The following CRCP variants were observed in gnomAD, a reference collection of about 807,000 sequenced individuals.
The protein encoded by CRCP is CGRP receptor component.
CRCP carries 18 observed loss-of-function variants against 18.5 expected under a neutral mutation model. The observed-to-expected ratio is 0.97, with a 90% confidence interval of 0.67 to 1.44. CRCP has a LOEUF of 1.44. CRCP is among the 40% of genes most tolerant of loss of function. The pLI is 0.00. For synonymous variants in CRCP, 53 were observed against 62.9 expected (o/e 0.84, Z 0.75); for missense variants, 130 against 176.4 (o/e 0.74, Z 1.49).
intron 2 of CRCP, among the ~76,000 whole-genome samples, chr7:66,129,814 C>T (rs192837591): frequency 2.0e-5 from 3 of 152,058 alleles, no homozygotes; most frequent in Non-Finnish European, 4.4e-5. Flanking sequence ...AAAGGACCAG[C>T]AGATGAGAGG....
At chr7:66,141,840 A>G (rs568935627) in intron 4 of CRCP, among the ~76,000 whole-genome samples, 185 of 152,224 alleles carry the variant, frequency 1.2e-3, no homozygotes, top group Non-Finnish European at 2.0e-3. Context: ...TTGGTTCTGA[A>G]GCCAGCAGGG....
chr7:66,133,524 A>AC (rs1787874145), intron 3 of CRCP, among the ~76,000 whole-genome samples: 5 of 149,354 alleles, frequency 3.3e-5, no homozygotes, highest in Middle Eastern at 3.4e-3. Flanking sequence ...AGCCTGGGTG[A>AC]CAGTGAGACT....
chr7:66,152,361 A>AGC lies in CRCP; in HGVS notation c.*5_*6dup. The AGC allele has an allele frequency of 6.2e-7, 1 of 1,613,866 alleles. No homozygotes were observed. Among genetic ancestry groups the AGC allele is most frequent in the East Asian group, 2.2e-5 (1 of 44,878 alleles). On this transcript the variant is annotated 3_prime_UTR_variant, in exon 6 of 6. Transcript: ENST00000395326. ...GGACGAAGAGGACCCAGCATAGAAG[A>AGC]GCACAGCTGGCCCCGGCGTTTCATG...
At chr7:66,151,689 G>C (rs1362329460) in intron 5 of CRCP, among the ~76,000 whole-genome samples, 2,200 of 149,720 alleles carry the variant, frequency 0.015, 67 homozygotes, top group African/African-American at 0.048. Context: ...GTGTGTGTGT[G>C]TGTGTGTGTG....
chr7:66,150,356 A>AACTCTGTCTCAAAAAAAAAAAAC (rs1554334963), intron 5 of CRCP, among the ~76,000 whole-genome samples: 1 of 151,400 alleles, frequency 6.6e-6, no homozygotes, highest in African/African-American at 2.4e-5. Flanking sequence ...ACAAGAGTGA[A>AACTCTGTCTCAAAAAAAAAAAAC]GGGGGGGAGT....
intron 1 of CRCP, among the ~76,000 whole-genome samples, chr7:66,122,251 C>T (rs200899159): frequency 1.3e-5 from 2 of 151,586 alleles, no homozygotes; most frequent in Non-Finnish European, 2.9e-5. Flanking sequence ...GGTGGGTGCC[C>T]GTAGTCCCAG....
Position 66,114,850 on chromosome 7 carries a change from G to GAGCACCTTGGCGCGCGGAGCT in CRCP, c.-112_-92dup, listed in dbSNP as rs775216948. 4.1e-5 allele frequency: 66 copies of GAGCACCTTGGCGCGCGGAGCT among 1,599,058 alleles called. No homozygotes were observed. The highest frequency in any genetic ancestry group is 5.0e-5 in the Non-Finnish European group (58 of 1,168,666). ...CGGCATGCAGCGCGGCGATCCCGGC[G>GAGCACCTTGGCGCGCGGAGCT]AGCACCTTGGCGCGCGGAGCTGGCA... On this transcript the variant is annotated 5_prime_UTR_variant, in exon 1 of 6. Transcript: ENST00000395326.
chr7:66,131,802 C>T (rs1241721901), intron 3 of CRCP, among the ~76,000 whole-genome samples: 1 of 151,458 alleles, frequency 6.6e-6, no homozygotes, highest in African/African-American at 2.4e-5. Context: ...ATTCTCGCTC[C>T]TGTTGCCTAG....
chr7:66,121,161 G>A (rs1229376742), intron 1 of CRCP, among the ~76,000 whole-genome samples: 1 of 151,058 alleles, frequency 6.6e-6, no homozygotes, highest in Non-Finnish European at 1.5e-5. Context: ...TGCAACCTCC[G>A]CCTCCCGAGT....
At chr7:66,123,605 AGGT>A (rs978620604) in intron 1 of CRCP, among the ~76,000 whole-genome samples, 3 of 151,840 alleles carry the variant, frequency 2.0e-5, no homozygotes, top group African/African-American at 7.3e-5. Flanking sequence ...AAAATTAGCC[AGGT>A]GTGGTGGCTC....
At chr7:66,120,924 C>G (rs1305434278) in intron 1 of CRCP, among the ~76,000 whole-genome samples, 1 of 151,960 alleles carries the variant, frequency 6.6e-6, no homozygotes, top group African/African-American at 2.4e-5. Context: ...TATTGTACCT[C>G]TATCAGACAC....
At position 66,153,667 on chromosome 7, in the gene CRCP, C is replaced by A. The variant is rs1022273177; in HGVS notation, c.*1310C>A. The A allele has an allele frequency of 3.9e-5, 6 of 152,104 alleles. No homozygotes were observed. The highest frequency in any genetic ancestry group is 8.8e-5 in the Non-Finnish European group (6 of 68,034). The allele number at this position is 152,104 out of a possible 1,614,324, so 9.4% of individuals were successfully genotyped here. On this transcript the variant is annotated 3_prime_UTR_variant, in exon 6 of 6. Coordinates refer to ENST00000395326, the MANE Select transcript of CRCP (RefSeq NM_014478.5). ...ATTTTCAATGCTAATTGGATTACTTCTCTTCCAACCCTCCTGCCCGTCCAT... is the reference window on the plus strand; with the variant it reads ...ATTTTCAATGCTAATTGGATTACTTATCTTCCAACCCTCCTGCCCGTCCAT...
intron 4 of CRCP, among the ~76,000 whole-genome samples, chr7:66,136,229 A>T (rs2460423): frequency 0.1 from 15,728 of 150,566 alleles, 993 homozygotes; most frequent in South Asian, 0.2. Context: ...TTTTTTTTTT[A>T]TTGGTTTGTT....
At chr7:66,142,014 AT>A (rs1332493842) in intron 4 of CRCP, among the ~76,000 whole-genome samples, 12 of 152,092 alleles carry the variant, frequency 7.9e-5, no homozygotes, top group African/African-American at 2.7e-4. Context: ...GCGGTTGTGA[AT>A]GTCTTTGCTG....
rs1788546409 is a variant in CRCP at position 66,154,153 on chromosome 7, T to C, written c.*1796T>C. On this transcript the variant is annotated 3_prime_UTR_variant, in exon 6 of 6. Transcript: ENST00000395326. ...TGATTTATTTCTCAGGGCATACATG[T>C]GCCAATCTGTCTCATTGTTGTCTCT... The C allele has an allele frequency of 6.6e-6, 1 of 151,732 alleles. No individual in the cohort carries two copies. The highest frequency in any genetic ancestry group is 1.5e-5 in the Non-Finnish European group (1 of 68,006). 9.4% of individuals were successfully genotyped at this position (151,732 alleles called of 1,614,324 possible).
At position 66,121,867 on chromosome 7, in the gene CRCP, A is replaced by G. The variant is rs577588394; in HGVS notation, c.9-5837A>G. 5.9e-5 allele frequency among the ~76,000 whole-genome samples: 9 copies of G among 152,330 alleles called. No individual in the cohort carries two copies. The East Asian group carries it at 1.7e-3, about 29-fold the overall frequency. ...AAAGGTGGGTAATAGGTACTATAAC[A>G]ACTCAGTAACAGGACTGGAAAGAGG... On this transcript the variant is annotated intron_variant, in intron 1 of 5. Transcript: ENST00000395326.
intron 5 of CRCP, among the ~76,000 whole-genome samples, chr7:66,148,467 C>G (rs1788364009): frequency 6.6e-6 from 1 of 152,290 alleles, no homozygotes; most frequent in Non-Finnish European, 1.5e-5. Flanking sequence ...TTTTTTCTCC[C>G]TGGGTTCAGA....
intron 1 of CRCP, among the ~76,000 whole-genome samples, chr7:66,116,488 T>TAAA (rs34037462): frequency 7.4e-6 from 1 of 135,136 alleles, no homozygotes. Flanking sequence ...GGCTCTGTCT[T>TAAA]AAAAAAAAAA....
upstream of CRCP, chr7:66,114,831 G>A (rs1388315014): frequency 6.3e-7 from 1 of 1,592,632 alleles, no homozygotes; most frequent in African/African-American, 1.3e-5. Context: ...CTCCCGGCAT[G>A]CAGCGCGGCG....
Sources: allele counts gnomAD v4.1 joint callset (sites outside exome capture counted in the v4.1 genomes callset), GRCh38; gene constraint gnomAD v4.1.1; transcripts MANE v1.5; gene names NCBI Gene and HGNC (gene_info 2026-07-23, HGNC 2026-07-21).